The following PIEZO2 variants were observed in gnomAD, a reference collection of about 807,000 sequenced individuals.
PIEZO2 encodes the protein piezo-type mechanosensitive ion channel component 2.
In PIEZO2, 172 loss-of-function variants were observed where a neutral mutation model predicts 337.3. The observed-to-expected ratio is 0.51, with a 90% CI of 0.45 to 0.58. PIEZO2 has a LOEUF of 0.58. PIEZO2 is among the 20% of genes least tolerant of loss of function. The pLI is 0.00. For synonymous variants in PIEZO2, 1,251 were observed against 1,228.5 expected, an observed-to-expected ratio of 1.02 and a Z score of -0.38; for missense variants, 3,028 against 3,391.3, an observed-to-expected ratio of 0.89 and a Z score of 2.66.
chr18:11,066,273 T>G (rs1214883264), intron 1 of PIEZO2, 51 bp from the exon 2 acceptor site: 1 of 1,433,758 alleles, frequency 7.0e-7, no homozygotes, highest in African/African-American at 1.4e-5. Flanking sequence ...CAAAGGCAGG[T>G]TGACAAAACC....
chr18:10,820,081 T>C (rs1401843540), intron 7 of PIEZO2, among the ~76,000 whole-genome samples: 2 of 152,206 alleles, frequency 1.3e-5, no homozygotes, highest in African/African-American at 4.8e-5. Flanking sequence ...TGTGTCTTTT[T>C]ATTTGACTGT....
rs2036738205 is a variant in PIEZO2 at position 11,031,533 on chromosome 18, AT to A, written c.160+34593del. 6.6e-6 allele frequency among the ~76,000 whole-genome samples: 1 copy of A among 152,198 alleles called. No homozygotes were observed. Among genetic ancestry groups the A allele is most frequent in the Admixed American group, 6.5e-5 (1 of 15,278 alleles). ...GGAACTTATACTATTTGATATTTTA[AT>A]ATTCTTCACAGAGATGATATTCAAA... is the stretch of plus-strand genomic sequence containing the variant. On this transcript the variant is annotated intron_variant, in intron 2 of 55. Coordinates refer to ENST00000674853, the MANE Select transcript of PIEZO2 (RefSeq NM_001378183.1). The surrounding 1 kb of genome is among the most constrained non-coding windows in gnomAD (Gnocchi z 4.7).
rs1467907365 is a variant in PIEZO2 at position 11,126,211 on chromosome 18, A to G, written c.64+22314T>C. 3.3e-5 allele frequency among the ~76,000 whole-genome samples: 5 copies of G among 152,168 alleles called. No homozygotes were observed. The highest frequency in any genetic ancestry group is 3.3e-4 in the Admixed American group (5 of 15,280). Reference sequence around the variant, plus strand: ...GTCTCCACCTCACTTTTTTAAAGTCAATATTCCCAGTAGGTTCAACATGAA... The same window carrying G: ...GTCTCCACCTCACTTTTTTAAAGTCGATATTCCCAGTAGGTTCAACATGAA... On this transcript the variant is annotated intron_variant, in intron 1 of 55. Coordinates refer to ENST00000674853, the MANE Select transcript of PIEZO2 (RefSeq NM_001378183.1). This position sits in a 1 kb window ranked among gnomAD's most constrained non-coding sequence, Gnocchi z 4.6.
At chr18:11,073,031 CTTTAT>C (rs1228159724) in intron 1 of PIEZO2, among the ~76,000 whole-genome samples, 1 of 152,190 alleles carries the variant, frequency 6.6e-6, no homozygotes, top group African/African-American at 2.4e-5. Flanking sequence ...CTATGTAAGG[CTTTAT>C]ATTATTTGCA....
chr18:10,698,411 C>A (rs1294435626), intron 44 of PIEZO2, among the ~76,000 whole-genome samples: 2 of 152,016 alleles, frequency 1.3e-5, no homozygotes, highest in African/African-American at 4.8e-5. Context: ...ACAGGAGCCC[C>A]ACAGATACAA....
chr18:10,806,893 T>G (rs1018397619), intron 8 of PIEZO2, among the ~76,000 whole-genome samples: 1 of 152,230 alleles, frequency 6.6e-6, no homozygotes, highest in Non-Finnish European at 1.5e-5. Flanking sequence ...CCTGCCATTC[T>G]TACCAGCAGT....
chr18:10,696,361 G>A (rs1481825776), intron 46 of PIEZO2, 31 bp downstream of exon 46: 1 of 1,614,152 alleles, frequency 6.2e-7, no homozygotes, highest in South Asian at 1.1e-5. Flanking sequence ...CATGGGTCAG[G>A]GCGGGTGCTG....
chr18:10,934,191 C>CA (rs1156956488), intron 3 of PIEZO2, among the ~76,000 whole-genome samples: 4 of 151,998 alleles, frequency 2.6e-5, no homozygotes, highest in African/African-American at 7.2e-5. Flanking sequence ...TGCTTTCATA[C>CA]AAAAAAGGGA....
chr18:10,695,008 A>G (rs1274962593), intron 47 of PIEZO2, among the ~76,000 whole-genome samples: 2 of 152,212 alleles, frequency 1.3e-5, no homozygotes, highest in Non-Finnish European at 2.9e-5. Context: ...TGTACATAAA[A>G]TCAGATATGC....
Position 11,001,056 on chromosome 18 carries a change from T to A in PIEZO2, c.161-21396A>T, listed in dbSNP as rs1433966471. On this transcript the variant is annotated intron_variant, in intron 2 of 55. Coordinates refer to ENST00000674853, the MANE Select transcript of PIEZO2 (RefSeq NM_001378183.1). The surrounding 1 kb of genome is among the most constrained non-coding windows in gnomAD (Gnocchi z 5.3). Reference sequence around the variant, plus strand: ...GGCAATTATTGGAAAGGAACTCAGCTGTTAGGAGTCATGAGTCAACCACCC... The same window carrying A: ...GGCAATTATTGGAAAGGAACTCAGCAGTTAGGAGTCATGAGTCAACCACCC... 6.6e-6 allele frequency among the ~76,000 whole-genome samples: 1 copy of A among 152,194 alleles called. No homozygotes were observed. The highest frequency in any genetic ancestry group is 2.4e-5 in the African/African-American group (1 of 41,456).
Position 10,784,999 on chromosome 18 carries a change from G to T in PIEZO2, c.2319-42C>A, listed in dbSNP as rs964681640. 3 of 1,503,058 alleles carry T rather than the reference G, an allele frequency of 2.0e-6. No individual in the cohort carries two copies. The South Asian group carries it at 3.8e-5, about 19-fold the overall frequency. The allele number at this position is 1,503,058 out of a possible 1,614,324, so 93.1% of individuals were successfully genotyped here. A position where few individuals can be genotyped will look rare whatever the true frequency, so the allele number is the denominator to read the frequency against. On this transcript the variant is annotated intron_variant, in intron 16 of 55. Coordinates refer to ENST00000674853, the MANE Select transcript of PIEZO2 (RefSeq NM_001378183.1). The surrounding 1 kb of genome is among the most constrained non-coding windows in gnomAD (Gnocchi z 4.5). The stretch of plus-strand genomic sequence containing the variant: ...AATAAAAAGCAGGAACCTCTCTTAC[G>T]CAATGAAGTCACAAACTCTTTGTGA...
At position 10,673,670 on chromosome 18, in the gene PIEZO2, A is replaced by G. The variant is rs1420985080; in HGVS notation, c.8162-797T>C. Among the ~76,000 whole-genome samples, 1 of 152,228 alleles carries G rather than the reference A, an allele frequency of 6.6e-6. No homozygotes were observed. Among genetic ancestry groups the G allele is most frequent in the African/African-American group, 2.4e-5 (1 of 41,456 alleles). On this transcript the variant is annotated intron_variant, in intron 54 of 55. Coordinates refer to ENST00000674853, the MANE Select transcript of PIEZO2 (RefSeq NM_001378183.1). The surrounding 1 kb of genome is among the most constrained non-coding windows in gnomAD (Gnocchi z 4.8). ...GGTAAAAAGCTTGTAGTGACATTGT[A>G]TAGGTCTTTCTAAGAAGATTCCACT...
At chr18:10,793,457 C>A (rs542476541) in intron 13 of PIEZO2, among the ~76,000 whole-genome samples, 1 of 152,272 alleles carries the variant, frequency 6.6e-6, no homozygotes, top group Non-Finnish European at 1.5e-5. Context: ...TAATGTTTTC[C>A]TCCTAAAGAA....
At position 10,714,699 on chromosome 18, in the gene PIEZO2, T is replaced by C. The variant is rs1336067792; in HGVS notation, c.5423+65A>G. The C allele has an allele frequency of 4.7e-6, 7 of 1,495,412 alleles. No individual in the cohort carries two copies. In the South Asian group the frequency reaches 6.3e-5, roughly 14 times the overall value. The allele number at this position is 1,495,412 out of a possible 1,614,324, so 92.6% of individuals were successfully genotyped here. On this transcript the variant is annotated intron_variant, in intron 39 of 55. Transcript: ENST00000674853. ...TTTCACCTCACACATTCATTTCTTA[T>C]ATTTGATGACATCCACCTCATTTAC...
At chr18:10,871,966 A>T (rs1180001552) in intron 4 of PIEZO2, among the ~76,000 whole-genome samples, 1 of 152,148 alleles carries the variant, frequency 6.6e-6, no homozygotes, top group Non-Finnish European at 1.5e-5. Context: ...AACTTAGAAG[A>T]TTTGAGTTCA....
chr18:10,845,181 T>G (rs1008952840), intron 7 of PIEZO2, among the ~76,000 whole-genome samples: 1 of 145,664 alleles, frequency 6.9e-6, no homozygotes, highest in Non-Finnish European at 1.5e-5. Flanking sequence ...TTATAATTTT[T>G]CCCATTGTGT....
At chr18:10,805,343 G>A (rs750413967) in intron 8 of PIEZO2, among the ~76,000 whole-genome samples, 3 of 152,060 alleles carry the variant, frequency 2.0e-5, no homozygotes, top group Non-Finnish European at 4.4e-5. Flanking sequence ...GCGAAACCCC[G>A]TCTCTACTAA....
At chr18:10,719,705 A>G (rs2036174906) in intron 36 of PIEZO2, among the ~76,000 whole-genome samples, 1 of 152,116 alleles carries the variant, frequency 6.6e-6, no homozygotes, top group African/African-American at 2.4e-5. Flanking sequence ...CTTCCCTTTG[A>G]ATATATATGT....
Position 10,707,586 on chromosome 18 carries a change from C to T in PIEZO2, c.5588+689G>A, listed in dbSNP as rs1025039352. Among the ~76,000 whole-genome samples the T allele has an allele frequency of 3.9e-4, 60 of 152,300 alleles. No homozygotes were observed. Among genetic ancestry groups the T allele is most frequent in the Non-Finnish European group, 4.6e-4 (31 of 68,032 alleles). ...ATTGTGCCCCCTCACCATCCTAAGGCAATTCAAAAAGAGTTTTCGGGTTGT... is the reference window on the plus strand; with the variant it reads ...ATTGTGCCCCCTCACCATCCTAAGGTAATTCAAAAAGAGTTTTCGGGTTGT... On this transcript the variant is annotated intron_variant, in intron 40 of 55. Transcript: ENST00000674853. The surrounding 1 kb of genome is among the most constrained non-coding windows in gnomAD (Gnocchi z 4.2).
Sources: allele counts gnomAD v4.1 joint callset (sites outside exome capture counted in the v4.1 genomes callset), GRCh38; gene constraint gnomAD v4.1.1; non-coding constraint Gnocchi (gnomAD v3.1); transcripts MANE v1.5; gene names NCBI Gene and HGNC (gene_info 2026-07-23, HGNC 2026-07-21).